Variants in SLC35F3 observed in about 807,000 individuals in gnomAD.
The protein encoded by SLC35F3 is solute carrier family 35 member F3.
Under a neutral mutation model 49.9 loss-of-function variants are expected in SLC35F3, and 25 were observed. The observed-to-expected ratio is 0.50, with a 90% CI of 0.37 to 0.70. The LOEUF is 0.70. Among genes scored for constraint, SLC35F3 ranks in the 30% least tolerant of loss-of-function variants. The pLI is 0.00. For synonymous variants in SLC35F3, 275 were observed against 265.4 expected (o/e 1.04, Z -0.35); for missense variants, 525 against 639.8 (o/e 0.82, Z 1.94).
At chr1:234,286,863 T>A (rs1199949550) in intron 3 of SLC35F3, among the ~76,000 whole-genome samples, 1 of 152,088 alleles carries the variant, frequency 6.6e-6, no homozygotes, top group Non-Finnish European at 1.5e-5. Context: ...AGTTCAAAAA[T>A]AAATAAATAA....
chr1:234,106,813 T>C (rs1039969848), intron 2 of SLC35F3, among the ~76,000 whole-genome samples: 1 of 151,816 alleles, frequency 6.6e-6, no homozygotes, highest in African/African-American at 2.4e-5. Context: ...ACCAACAGGG[T>C]TCCATGAGGG....
chr1:234,198,763 A>T (rs1258736692), intron 2 of SLC35F3, among the ~76,000 whole-genome samples: 2 of 152,214 alleles, frequency 1.3e-5, no homozygotes, highest in Non-Finnish European at 2.9e-5. Flanking sequence ...TGTGGTGAGA[A>T]TGTAAAGAAT....
intron 2 of SLC35F3, among the ~76,000 whole-genome samples, chr1:233,983,177 G>A (rs905668369): frequency 5.3e-5 from 8 of 151,196 alleles, no homozygotes; most frequent in African/African-American, 1.7e-4. Flanking sequence ...TCCCTCTGCC[G>A]CCCTCCCTCT....
rs566420258 is a variant in SLC35F3, at chr1:234,167,672, C to T, written c.284-63745C>T. Among the ~76,000 whole-genome samples, 201 of 152,228 alleles carry T rather than the reference C, an allele frequency of 1.3e-3. 1 individual carries two copies. Among genetic ancestry groups the T allele is most frequent in the African/African-American group, 4.4e-3 (183 of 41,536 alleles). ...AAGCAGATAGAGCAGCCGTCACAAA[C>T]GCCACTTCATAGCAAGCAGAGAGAG... On this transcript the variant is annotated intron_variant, in intron 2 of 7. Coordinates refer to ENST00000366618, the MANE Select transcript of SLC35F3 (RefSeq NM_173508.4).
intron 3 of SLC35F3, among the ~76,000 whole-genome samples, chr1:234,291,156 G>T (rs763454815): frequency 2.6e-5 from 4 of 152,292 alleles, no homozygotes; most frequent in Admixed American, 6.5e-5. Flanking sequence ...GACACACACT[G>T]ACTGACGCTA....
At chr1:234,264,728 T>A (rs1490242726) in intron 3 of SLC35F3, among the ~76,000 whole-genome samples, 1 of 152,194 alleles carries the variant, frequency 6.6e-6, no homozygotes, top group Non-Finnish European at 1.5e-5. Context: ...AATTTCTAAA[T>A]TTTTTGTAGA....
intron 2 of SLC35F3, among the ~76,000 whole-genome samples, chr1:234,131,374 T>TAGGA (rs1665733611): frequency 6.6e-6 from 1 of 152,194 alleles, no homozygotes; most frequent in South Asian, 2.1e-4. Context: ...CTGAAGGTCA[T>TAGGA]AGGAAGGCTG....
intron 2 of SLC35F3, among the ~76,000 whole-genome samples, chr1:233,929,871 G>A (rs1485923483): frequency 2.6e-5 from 4 of 152,178 alleles, no homozygotes; most frequent in South Asian, 2.1e-4. Context: ...TTGTGCCACT[G>A]TTGAAGCCAT....
chr1:234,314,668 A>G (rs1433948409), intron 4 of SLC35F3, among the ~76,000 whole-genome samples: 1 of 152,256 alleles, frequency 6.6e-6, no homozygotes, highest in Non-Finnish European at 1.5e-5. Context: ...AGGCTGAGGC[A>G]GGAAAATCAC....
intron 2 of SLC35F3, among the ~76,000 whole-genome samples, chr1:233,941,836 A>G (rs1662426764): frequency 6.6e-6 from 1 of 152,140 alleles, no homozygotes; most frequent in African/African-American, 2.4e-5. Context: ...CACCCATTTA[A>G]TGTACACTAT....
intron 2 of SLC35F3, among the ~76,000 whole-genome samples, chr1:233,948,474 A>G (rs1025964394): frequency 6.6e-6 from 1 of 152,200 alleles, no homozygotes; most frequent in Non-Finnish European, 1.5e-5. Flanking sequence ...CAGTTAAACC[A>G]CAAGGCTAGA....
intron 2 of SLC35F3, among the ~76,000 whole-genome samples, chr1:234,156,322 A>G (rs1215176415): frequency 6.6e-6 from 1 of 152,248 alleles, no homozygotes; most frequent in Non-Finnish European, 1.5e-5. Context: ...ACCTCTCTGG[A>G]AGATAATTCC....
intron 2 of SLC35F3, among the ~76,000 whole-genome samples, chr1:233,993,578 C>G (rs1166608111): frequency 1.3e-5 from 2 of 152,206 alleles, no homozygotes; most frequent in East Asian, 3.8e-4. Flanking sequence ...GAGGGGCTCT[C>G]TGCTCTAATA....
At chr1:234,153,227 A>G (rs1262014370) in intron 2 of SLC35F3, among the ~76,000 whole-genome samples, 1 of 152,206 alleles carries the variant, frequency 6.6e-6, no homozygotes, top group Non-Finnish European at 1.5e-5. Context: ...AGAGACCCTA[A>G]TAGTAAGAAC....
intron 2 of SLC35F3, among the ~76,000 whole-genome samples, chr1:233,950,856 C>T (rs906512339): frequency 1.3e-5 from 2 of 151,516 alleles, no homozygotes; most frequent in Non-Finnish European, 2.9e-5. Flanking sequence ...GGTTTTTTTT[C>T]CCCCTGCAAT....
chr1:233,905,877 G>GATAC (rs1357230207), intron 2 of SLC35F3, 119 bp downstream of exon 2: 1 of 949,606 alleles, frequency 1.1e-6, no homozygotes, highest in East Asian at 2.6e-5. Context: ...CCTGCCTGCT[G>GATAC]ATACAGACCC....
At chr1:233,964,617 G>T (rs115556939) in intron 2 of SLC35F3, among the ~76,000 whole-genome samples, 392 of 152,362 alleles carry the variant, frequency 2.6e-3, no homozygotes, top group Non-Finnish European at 3.7e-3. Flanking sequence ...GGCATGCGAG[G>T]AGCCAACATT....
In SLC35F3 at chr1:234,279,117, A is replaced by G. The variant is rs556546024; in HGVS notation, c.609-29984A>G. 2.0e-5 allele frequency among the ~76,000 whole-genome samples: 3 copies of G among 152,286 alleles called. No individual in the cohort carries two copies. In the South Asian group the frequency reaches 6.2e-4, roughly 32 times the overall value. On this transcript the variant is annotated intron_variant, in intron 3 of 7. Transcript: ENST00000366618. Reference sequence around the variant, plus strand: ...ATATATGTAAGATGAACATTGGTTTAGTCTGGAAAGGTGGGATGGCTCCAA... The same window carrying G: ...ATATATGTAAGATGAACATTGGTTTGGTCTGGAAAGGTGGGATGGCTCCAA...
At chr1:234,166,721 G>T (rs1169943619) in intron 2 of SLC35F3, among the ~76,000 whole-genome samples, 1 of 152,240 alleles carries the variant, frequency 6.6e-6, no homozygotes, top group Non-Finnish European at 1.5e-5. Context: ...CAGACAGAAT[G>T]CTGTGCGGAT....
Sources: allele counts gnomAD v4.1 joint callset (sites outside exome capture counted in the v4.1 genomes callset), GRCh38; gene constraint gnomAD v4.1.1; transcripts MANE v1.5; gene names NCBI Gene and HGNC (gene_info 2026-07-23, HGNC 2026-07-21).